Variants in SDHC observed in about 807,000 individuals in gnomAD.
SDHC encodes the protein succinate dehydrogenase cytochrome b560 subunit, mitochondrial.
In SDHC, 11 loss-of-function variants were observed where a neutral mutation model predicts 22.6. That is an observed-to-expected ratio of 0.49 (90% confidence interval 0.31 to 0.81). The LOEUF (loss-of-function observed/expected upper bound fraction) is 0.81, where lower values mean the gene tolerates loss of function less well. SDHC is among the 30% of genes least tolerant of loss of function. SDHC has a pLI of 0.05. For synonymous variants in SDHC, 80 were observed against 77.8 expected, an observed-to-expected ratio of 1.03 and a Z score of -0.15; for missense variants, 160 against 212.0, an observed-to-expected ratio of 0.75 and a Z score of 1.52.
At chr1:161,323,700 T>G in intron 2 of SDHC, 30 bp downstream of exon 2, 1 of 1,545,776 alleles carries the variant, frequency 6.5e-7, no homozygotes, top group Non-Finnish European at 8.8e-7. Flanking sequence ...GATTATTTAT[T>G]TATTTTTTTT....
At chr1:161,316,084 CT>C (rs982329322) in intron 1 of SDHC, among the ~76,000 whole-genome samples, 1 of 152,194 alleles carries the variant, frequency 6.6e-6, no homozygotes, top group African/African-American at 2.4e-5. Context: ...CGGTTTTCCC[CT>C]ATCTCAGTAG....
intron 1 of SDHC, among the ~76,000 whole-genome samples, chr1:161,322,520 C>T (rs761519340): frequency 1.3e-5 from 2 of 151,480 alleles, no homozygotes; most frequent in Non-Finnish European, 2.9e-5. Flanking sequence ...TTAGGATGCT[C>T]TCTTCACAAA....
At chr1:161,327,860 C>T (rs181122050) in intron 2 of SDHC, among the ~76,000 whole-genome samples, 1 of 151,966 alleles carries the variant, frequency 6.6e-6, no homozygotes, top group Non-Finnish European at 1.5e-5. Flanking sequence ...CTGTGCGTGG[C>T]CTATTATTTT....
At chr1:161,350,659 G>A (rs978685385) in intron 4 of SDHC, among the ~76,000 whole-genome samples, 3 of 152,068 alleles carry the variant, frequency 2.0e-5, no homozygotes, top group Non-Finnish European at 4.4e-5. Flanking sequence ...ATTAAGTAAG[G>A]CAATAATTCA....
At position 161,356,699 on chromosome 1, in the gene SDHC, G is replaced by A. The variant is rs1277488324; in HGVS notation, c.264G>A (p.Ser88=). The A allele has an allele frequency of 1.9e-5, 30 of 1,613,678 alleles. No homozygotes were observed. Among genetic ancestry groups the A allele is most frequent in the Admixed American group, 3.3e-5 (2 of 59,970 alleles). ...LSAGVSLFGM[S]ALLLPGNFES... ...CAGGGGTCTCTCTTTTTGGCATGTC[G>A]GCCCTGTTACTCCCTGGGAACTTTG... The change falls in exon 5 of 6, where the codon TCG becomes TCA. Residue 88 remains serine (S), a synonymous_variant. Coordinates refer to ENST00000367975, the MANE Select transcript of SDHC (RefSeq NM_003001.5).
At chr1:161,352,889 A>G (rs1672139287) in intron 4 of SDHC, among the ~76,000 whole-genome samples, 1 of 152,176 alleles carries the variant, frequency 6.6e-6, no homozygotes, top group Admixed American at 6.5e-5. Flanking sequence ...AGGCAGGAGA[A>G]TTGCTTGAAC....
intron 2 of SDHC, among the ~76,000 whole-genome samples, chr1:161,327,738 A>C (rs1419248792): frequency 6.6e-6 from 1 of 150,974 alleles, no homozygotes; most frequent in Non-Finnish European, 1.5e-5. Context: ...ATTTTTTTCT[A>C]TTTTTAGTAG....
intron 3 of SDHC, chr1:161,339,557 C>T: frequency 8.1e-7 from 1 of 1,241,992 alleles, no homozygotes; most frequent in Middle Eastern, 2.2e-4. Flanking sequence ...TTTTTTTTTT[C>T]TCAGCCCTAT....
intron 5 of SDHC, among the ~76,000 whole-genome samples, chr1:161,359,218 A>G (rs116264156): frequency 1.3e-5 from 2 of 152,170 alleles, no homozygotes; most frequent in African/African-American, 4.8e-5. Flanking sequence ...CAACTGTCAG[A>G]TGGATGCTTT....
intron 4 of SDHC, 52 bp downstream of exon 4, chr1:161,340,707 C>A: frequency 6.8e-7 from 1 of 1,463,748 alleles, no homozygotes; most frequent in Non-Finnish European, 9.6e-7. Context: ...AAAAACTTGG[C>A]TGTTTCATTG....
chr1:161,322,592 G>A (rs889113935), intron 1 of SDHC, among the ~76,000 whole-genome samples: 1 of 148,760 alleles, frequency 6.7e-6, no homozygotes, highest in Non-Finnish European at 1.5e-5. Context: ...TTTGAGACAA[G>A]GTCTAGCCCT....
At chr1:161,322,211 G>A (rs1300077852) in intron 1 of SDHC, among the ~76,000 whole-genome samples, 1 of 152,138 alleles carries the variant, frequency 6.6e-6, no homozygotes, top group Non-Finnish European at 1.5e-5. Context: ...TCAGATTCTG[G>A]ATTTTCCACA....
chr1:161,353,953 G>T (rs1275400451), intron 4 of SDHC, among the ~76,000 whole-genome samples: 1 of 152,198 alleles, frequency 6.6e-6, no homozygotes, highest in Non-Finnish European at 1.5e-5. Flanking sequence ...CTGGGCTGGA[G>T]TGCAGTAGCA....
At chr1:161,325,343 A>G (rs1369652101) in intron 2 of SDHC, among the ~76,000 whole-genome samples, 3 of 63,510 alleles carry the variant, frequency 4.7e-5, no homozygotes, top group East Asian at 3.2e-4. Context: ...CCCTGTCTCA[A>G]TAAATAAATA....
intron 1 of SDHC, among the ~76,000 whole-genome samples, chr1:161,319,793 G>C (rs992038403): frequency 6.6e-6 from 1 of 152,126 alleles, no homozygotes; most frequent in Admixed American, 6.5e-5. Flanking sequence ...TCTGAGGGAG[G>C]CTCTATTCAG....
At chr1:161,314,705 T>G in intron 1 of SDHC, 1 of 526,246 alleles carries the variant, frequency 1.9e-6, no homozygotes, top group Non-Finnish European at 3.4e-6. Flanking sequence ...CTAACGCAAA[T>G]TGCTCTCGGG....
At chr1:161,346,066 A>G (rs1671885757) in intron 4 of SDHC, among the ~76,000 whole-genome samples, 1 of 152,158 alleles carries the variant, frequency 6.6e-6, no homozygotes, top group Non-Finnish European at 1.5e-5. Context: ...CAGCCTCCCA[A>G]AGTGTTGGGA....
chr1:161,351,244 A>G (rs1672087590), intron 4 of SDHC, among the ~76,000 whole-genome samples: 1 of 152,112 alleles, frequency 6.6e-6, no homozygotes, highest in Non-Finnish European at 1.5e-5. Context: ...GGTTATTAGA[A>G]GAGGTTTTGC....
At position 161,328,412 on chromosome 1, in the gene SDHC, A is replaced by G. The variant is rs1457574786; in HGVS notation, c.94A>G (p.Thr32Ala). ...TTATTTTAGTGCTGTTCCTTTGGGA[A>G]CCACGGCCAAAGAAGAGATGGAGCG... ...LCIRNAVPLG[T>A]TAKEEMERFW... The change falls in exon 3 of 6, where the codon ACC (threonine) becomes GCC (alanine). Residue 32 changes from threonine to alanine, a missense_variant. Coordinates refer to ENST00000367975, the MANE Select transcript of SDHC (RefSeq NM_003001.5). 2 of 1,613,080 alleles carry G rather than the reference A, an allele frequency of 1.2e-6. No homozygotes were observed. The highest frequency in any genetic ancestry group is 1.7e-6 in the Non-Finnish European group (2 of 1,179,136).
Sources: allele counts gnomAD v4.1 joint callset (sites outside exome capture counted in the v4.1 genomes callset), GRCh38; gene constraint gnomAD v4.1.1; transcripts MANE v1.5; gene names NCBI Gene and HGNC (gene_info 2026-07-23, HGNC 2026-07-21).